SYNJ1: variants seen among roughly 807,000 people sequenced by gnomAD.
SYNJ1 encodes the protein polyphosphatidylinositol phosphatase SYNJ1.
Under a neutral mutation model 168.2 loss-of-function variants are expected in SYNJ1, and 78 were observed. The ratio of observed to expected loss-of-function variants is 0.46; its 90% CI spans 0.39 to 0.56. SYNJ1 has a LOEUF of 0.56. Among genes scored for constraint, SYNJ1 ranks in the 20% least tolerant of loss-of-function variants. The pLI, the probability that SYNJ1 is intolerant of heterozygous loss-of-function variation, is 0.00. For synonymous variants in SYNJ1, 539 were observed against 548.6 expected, an observed-to-expected ratio of 0.98 and a Z score of 0.24; for missense variants, 1,303 against 1,597.6, an observed-to-expected ratio of 0.82 and a Z score of 3.14.
At chr21:32,683,146 C>G (rs2041685244) in intron 10 of SYNJ1, among the ~76,000 whole-genome samples, 1 of 152,042 alleles carries the variant, frequency 6.6e-6, no homozygotes, top group Non-Finnish European at 1.5e-5. Flanking sequence ...GAACATGTAA[C>G]TTCCTATTGC....
chr21:32,656,819 A>C lies in SYNJ1; in HGVS notation c.2663T>G (p.Val888Gly), dbSNP rs2040474456. 1 of 1,614,068 alleles carries C rather than the reference A, an allele frequency of 6.2e-7. No homozygotes were observed. Among genetic ancestry groups the C allele is most frequent in the Admixed American group, 1.7e-5 (1 of 60,010 alleles). The change falls in exon 21 of 33, where the codon GTT becomes GGT. Residue 888 changes from valine (V) to glycine (G), a missense_variant. Coordinates refer to ENST00000674351, the MANE Select transcript of SYNJ1 (RefSeq NM_203446.3). ...RQNIYKEVIA[V>G]QGPPDGTVLV... Reference sequence around the variant, plus strand: ...TACTGTACCATCTGGTGGACCCTGAACTGCAATTACTTCTTTATAAATGTT... The same window carrying C: ...TACTGTACCATCTGGTGGACCCTGACCTGCAATTACTTCTTTATAAATGTT...
intron 14 of SYNJ1, among the ~76,000 whole-genome samples, chr21:32,671,916 G>A (rs879358905): frequency 7.3e-5 from 11 of 151,422 alleles, no homozygotes; most frequent in East Asian, 3.9e-4. Context: ...AAAATTAGCC[G>A]GGCACGGTGG....
At chr21:32,637,406 C>CTTTTTTTTTTTTTTTTT (rs5843562) in intron 31 of SYNJ1, among the ~76,000 whole-genome samples, 1 of 100,298 alleles carries the variant, frequency 1.0e-5, no homozygotes, top group African/African-American at 4.1e-5. Flanking sequence ...TTTCTTTTTT[C>CTTTTTTTTTTTTTTTTT]TTTTTTTTTT....
chr21:32,643,475 A>G lies in SYNJ1; in HGVS notation c.3431-18T>C. On this transcript the variant is annotated intron_variant, in intron 26 of 32. Transcript: ENST00000674351. ...TCCAATACCTTTTTAGAGAAAGAAC[A>G]GAAACTATATATTGTTCAGGGCCCA... is the stretch of plus-strand genomic sequence containing the variant. 6.2e-7 allele frequency: 1 copy of G among 1,612,984 alleles called. No individual in the cohort carries two copies. Among genetic ancestry groups the G allele is most frequent in the Non-Finnish European group, 8.5e-7 (1 of 1,179,078 alleles).
intron 2 of SYNJ1, among the ~76,000 whole-genome samples, chr21:32,714,036 T>C (rs890246249): frequency 1.4e-4 from 22 of 152,238 alleles, no homozygotes; most frequent in African/African-American, 5.1e-4. Context: ...GGTATGTTCA[T>C]TCTATAATAA....
At chr21:32,684,438 T>C (rs1428391247) in intron 9 of SYNJ1, among the ~76,000 whole-genome samples, 1 of 152,184 alleles carries the variant, frequency 6.6e-6, no homozygotes, top group Non-Finnish European at 1.5e-5. Flanking sequence ...AATAAAAATA[T>C]TTATAGAACA....
chr21:32,686,377 T>C (rs1190359236), intron 8 of SYNJ1, among the ~76,000 whole-genome samples: 1 of 152,206 alleles, frequency 6.6e-6, no homozygotes, highest in Non-Finnish European at 1.5e-5. Context: ...GAGATTGAAC[T>C]TTAGAAAATG....
intron 15 of SYNJ1, among the ~76,000 whole-genome samples, chr21:32,669,469 A>G (rs1258042937): frequency 6.6e-6 from 1 of 152,228 alleles, no homozygotes; most frequent in Admixed American, 6.5e-5. Flanking sequence ...TTGATATTAT[A>G]TAATGAAATG....
At chr21:32,697,816 A>G (rs1284441931) in intron 4 of SYNJ1, among the ~76,000 whole-genome samples, 1 of 152,164 alleles carries the variant, frequency 6.6e-6, no homozygotes, top group East Asian at 1.9e-4. Context: ...TCAACCAACC[A>G]TCCAATTAAT....
rs749045961 is a variant in SYNJ1, at chr21:32,686,996, C to T, written c.930G>A (p.Met310Ile). The T allele has an allele frequency of 9.2e-5, 142 of 1,548,390 alleles. 2 individuals carry two copies. The South Asian group carries it at 1.6e-3, about 18-fold the overall frequency. ...NLLGSKEGEHMLSKAFQSHLK... is the reference protein window; with the variant it reads ...NLLGSKEGEHILSKAFQSHLK... ...TACTTACCTGGAAAGCTTTACTTAG[C>T]ATATGTTCACCTTCCTTAGATCCAA... The change falls in exon 8 of 33, where the codon ATG becomes ATA. Residue 310 changes from methionine to isoleucine, a missense_variant. Transcript: ENST00000674351.
chr21:32,680,659 T>G (rs1569084452), intron 11 of SYNJ1, among the ~76,000 whole-genome samples: 1 of 152,080 alleles, frequency 6.6e-6, no homozygotes, highest in Middle Eastern at 3.4e-3. Context: ...TCACTCAGGC[T>G]GGATGGAGTG....
At chr21:32,691,832 A>G (rs765498759) in intron 6 of SYNJ1, among the ~76,000 whole-genome samples, 5 of 152,220 alleles carry the variant, frequency 3.3e-5, no homozygotes, top group African/African-American at 4.8e-5. Context: ...CACAGGAAGA[A>G]CTCAAGTATT....
chr21:32,630,034 T>C lies in SYNJ1; in HGVS notation c.*1771A>G, dbSNP rs1289845854. 6.6e-6 allele frequency: 1 copy of C among 152,238 alleles called. No individual in the cohort carries two copies. Among genetic ancestry groups the C allele is most frequent in the East Asian group, 1.9e-4 (1 of 5,202 alleles). 9.4% of individuals were successfully genotyped at this position (152,238 alleles called of 1,614,324 possible). A position where few individuals can be genotyped will look rare whatever the true frequency, so the allele number is the denominator to read the frequency against. On this transcript the variant is annotated 3_prime_UTR_variant, in exon 33 of 33. Coordinates refer to ENST00000674351, the MANE Select transcript of SYNJ1 (RefSeq NM_203446.3). ...GCAAAAAGAAAATATGGGAGGGATA[T>C]GGGCAACGTATACTCGAACGTACGC...
chr21:32,665,920 A>G, intron 17 of SYNJ1, 23 bp downstream of exon 17: 1 of 1,561,388 alleles, frequency 6.4e-7, no homozygotes, highest in Non-Finnish European at 8.7e-7. Context: ...CTTTATCTTC[A>G]AGAACAAGCA....
chr21:32,650,336 C>T lies in SYNJ1; in HGVS notation c.2885G>A (p.Arg962Gln), dbSNP rs371117480. ...LSLNGKELLN[R>Q]TITIALKSPD... ...ACTTTTTAAAGCAATAGTTATAGTC[C>T]GATTCAATAACTAGCGGAGTAAAAG... Residue 962 changes from arginine to glutamine, a missense_variant, in exon 23 of 33, where the codon CGG becomes CAG. Arg to Gln is a conservative substitution (Grantham distance 43). This residue lies in a region of SYNJ1 where 920 missense variants were observed against 1,208.8 expected (regional missense o/e 0.76). Transcript: ENST00000674351. 66 of 1,604,342 alleles carry T rather than the reference C, an allele frequency of 4.1e-5. No homozygotes were observed. Among genetic ancestry groups the T allele is most frequent in the Non-Finnish European group, 4.4e-5 (52 of 1,177,056 alleles).
intron 31 of SYNJ1, among the ~76,000 whole-genome samples, chr21:32,638,245 T>C (rs1339605878): frequency 6.6e-6 from 1 of 152,074 alleles, no homozygotes; most frequent in Non-Finnish European, 1.5e-5. Context: ...GTTCTTTAAT[T>C]TGTAGAGACA....
rs184833816 is a variant in SYNJ1 at position 32,726,749 on chromosome 21, T to C, written c.124+23A>G. On this transcript the variant is annotated intron_variant, in intron 2 of 32. Coordinates refer to ENST00000674351, the MANE Select transcript of SYNJ1 (RefSeq NM_203446.3). Reference sequence around the variant, plus strand: ...AAATCAAAACAGAGACCATGACAAATTGGGCTCTAACAGATGACTTACAGA... The same window carrying C: ...AAATCAAAACAGAGACCATGACAAACTGGGCTCTAACAGATGACTTACAGA... 8 of 1,611,462 alleles carry C rather than the reference T, an allele frequency of 5.0e-6. No homozygotes were observed. The Admixed American group carries it at 5.1e-5, about 10-fold the overall frequency.
chr21:32,697,151 T>C (rs1762412553), intron 4 of SYNJ1, among the ~76,000 whole-genome samples: 1 of 152,202 alleles, frequency 6.6e-6, no homozygotes, highest in South Asian at 2.1e-4. Flanking sequence ...TGTTTTAGCA[T>C]TTAAATTTAT....
rs141194114 is a variant in SYNJ1 at position 32,682,271 on chromosome 21, C to T, written c.1201-623G>A. Reference sequence around the variant, plus strand: ...TATCACATATAACAATAAAAGTGTTCCAAAAAGTTATTGATCTTTATATGC... The same window carrying T: ...TATCACATATAACAATAAAAGTGTTTCAAAAAGTTATTGATCTTTATATGC... On this transcript the variant is annotated intron_variant, in intron 10 of 32. Transcript: ENST00000674351. Among the ~76,000 whole-genome samples, 208 of 152,174 alleles carry T rather than the reference C, an allele frequency of 1.4e-3. 3 individuals carry two copies. Among genetic ancestry groups the T allele is most frequent in the Middle Eastern group, 0.01 (3 of 294 alleles).
Sources: gnomAD v4.1 joint callset for allele counts (sites outside exome capture counted in the v4.1 genomes callset) on GRCh38, gnomAD v4.1.1 for gene constraint, gnomAD v4.1.1 regional missense constraint, MANE v1.5 for transcripts, NCBI Gene and HGNC (gene_info 2026-07-23, HGNC 2026-07-21) for gene names.